Variants in PVT1 observed in about 807,000 individuals in gnomAD.
The protein encoded by PVT1 is Pvt1 oncogene, also known as CXCR4/PVT1 fusion.
At chr8:128,055,154 G>GAC (rs1363830163) in intron 4 of PVT1, among the ~76,000 whole-genome samples, 6 of 152,016 alleles carry the variant, frequency 3.9e-5, no homozygotes, top group Admixed American at 3.9e-4. Flanking sequence ...TGTCCCTACA[G>GAC]ACACACACAT....
In PVT1 at chr8:127,951,543, C is replaced by T. The variant is rs547126243; in HGVS notation, n.783-37619C>T. Among the ~76,000 whole-genome samples, 6 of 152,278 alleles carry T rather than the reference C, an allele frequency of 3.9e-5. No homozygotes were observed. In the East Asian group the frequency reaches 1.2e-3, roughly 29 times the overall value. ...TCTTGAGATTAGAGCTGAATGAATA[C>T]CCCTAGGAGAAACTAAAAGGCGTGT... On this transcript the variant is annotated intron_variant and non_coding_transcript_variant, in intron 3 of 10. Transcript: ENST00000651587.
chr8:127,906,332 G>T (rs914421628), intron 3 of PVT1, among the ~76,000 whole-genome samples: 2 of 152,136 alleles, frequency 1.3e-5, no homozygotes, highest in East Asian at 3.9e-4. Context: ...CATTCCTGGG[G>T]TTTCATTTGC....
chr8:128,070,176 C>T, exon 5 of PVT1: 1 of 152,238 alleles, frequency 6.6e-6, no homozygotes, highest in East Asian at 1.9e-4. Context: ...TCTTGGTGCT[C>T]TGTGTTCACC....
At chr8:127,829,756 G>GTTCA (rs1814829848) in intron 2 of PVT1, among the ~76,000 whole-genome samples, 1 of 152,198 alleles carries the variant, frequency 6.6e-6, no homozygotes, top group African/African-American at 2.4e-5. Flanking sequence ...AAGATGCTGT[G>GTTCA]TTCATTTCCT....
chr8:128,018,764 C>A (rs547656608), intron 4 of PVT1, among the ~76,000 whole-genome samples: 1 of 92,904 alleles, frequency 1.1e-5, no homozygotes, highest in Non-Finnish European at 2.2e-5. Context: ...GAAAATCTTG[C>A]GTCCTCAGGA....
At chr8:128,009,941 A>G (rs1256210558) in intron 4 of PVT1, among the ~76,000 whole-genome samples, 1 of 152,238 alleles carries the variant, frequency 6.6e-6, no homozygotes, top group South Asian at 2.1e-4. Context: ...GCATGATTTC[A>G]GGAAAGTCGA....
chr8:127,993,144 A>G (rs550736911), intron 4 of PVT1, among the ~76,000 whole-genome samples: 1 of 152,354 alleles, frequency 6.6e-6, no homozygotes, highest in African/African-American at 2.4e-5. Flanking sequence ...TTTAGTAATA[A>G]AGACAGAGTT....
chr8:128,047,613 A>G (rs1194979957), intron 4 of PVT1, among the ~76,000 whole-genome samples: 2 of 152,370 alleles, frequency 1.3e-5, no homozygotes, highest in East Asian at 3.8e-4. Flanking sequence ...AGAACTTTTC[A>G]TGCAGAAACA....
intron 2 of PVT1, among the ~76,000 whole-genome samples, chr8:127,813,214 T>TATATATATAATGTATACAA (rs1814620279): frequency 1.4e-5 from 2 of 139,954 alleles, no homozygotes; most frequent in East Asian, 4.0e-4. Flanking sequence ...TATACAAATA[T>TATATATATAATGTATACAA]ATATATATAA....
chr8:128,017,687 TCGGCCTCCCAAAGTG>T (rs2130047717), intron 4 of PVT1, among the ~76,000 whole-genome samples: 1 of 152,100 alleles, frequency 6.6e-6, no homozygotes, highest in Non-Finnish European at 1.5e-5. Flanking sequence ...TCCTCCTGCC[TCGGCCTCCCAAAGTG>T]CTGGAATTAT....
rs117029397 is a variant in PVT1, at chr8:128,073,420, C to T, written n.1114+3059C>T. Among the ~76,000 whole-genome samples, 574 of 152,290 alleles carry T rather than the reference C, an allele frequency of 3.8e-3. 8 individuals are homozygous for T. The highest frequency in any genetic ancestry group is 0.015 in the Admixed American group (236 of 15,302). On this transcript the variant is annotated intron_variant and non_coding_transcript_variant, in intron 5 of 10. Transcript: ENST00000651587. Reference sequence around the variant, plus strand: ...TGACACAGGTCACCCGATATAGAATCACACACCTGGGAGATGGCACCAGCC... The same window carrying T: ...TGACACAGGTCACCCGATATAGAATTACACACCTGGGAGATGGCACCAGCC...
chr8:127,884,108 TG>T (rs1469423233), intron 2 of PVT1, among the ~76,000 whole-genome samples: 1 of 152,246 alleles, frequency 6.6e-6, no homozygotes, highest in African/African-American at 2.4e-5. Context: ...AGCCAGCACC[TG>T]GATCAATAGA....
In PVT1 at chr8:127,963,363, C is replaced by T. The variant is rs542248728; in HGVS notation, n.783-25799C>T. ...CTGGTGCTTCTCTCAGTGTCTGACACCTGGTGAGATTTGCCACCTGTTTGG... is the reference window on the plus strand; with the variant it reads ...CTGGTGCTTCTCTCAGTGTCTGACATCTGGTGAGATTTGCCACCTGTTTGG... On this transcript the variant is annotated intron_variant and non_coding_transcript_variant, in intron 3 of 10. Transcript: ENST00000651587. 1.2e-4 allele frequency among the ~76,000 whole-genome samples: 19 copies of T among 152,228 alleles called. No homozygotes were observed. The South Asian group carries it at 3.9e-3, about 32-fold the overall frequency.
intron 4 of PVT1, among the ~76,000 whole-genome samples, chr8:127,990,743 G>A (rs1184606301): frequency 6.6e-6 from 1 of 152,244 alleles, no homozygotes; most frequent in Non-Finnish European, 1.5e-5. Context: ...AATCTGCTGT[G>A]ATAGTCAGCA....
chr8:127,987,597 A>G (rs1042246394), intron 3 of PVT1, among the ~76,000 whole-genome samples: 12 of 152,346 alleles, frequency 7.9e-5, no homozygotes, highest in Non-Finnish European at 1.5e-4. Flanking sequence ...CTCTGCAAAG[A>G]TTCTCACTTA....
At chr8:128,091,007 G>A (rs1379765260) in intron 5 of PVT1, among the ~76,000 whole-genome samples, 2 of 152,078 alleles carry the variant, frequency 1.3e-5, no homozygotes, top group Non-Finnish European at 2.9e-5. Flanking sequence ...CTGTAAAATG[G>A]GAATAATTTT....
At chr8:127,867,372 G>A (rs1270610571) in intron 2 of PVT1, among the ~76,000 whole-genome samples, 2 of 152,248 alleles carry the variant, frequency 1.3e-5, no homozygotes, top group South Asian at 2.1e-4. Flanking sequence ...CGCAGTTAGA[G>A]GGGTGGGAGG....
chr8:128,087,770 T>TTTTTTTTTTTG (rs370583568), intron 5 of PVT1, among the ~76,000 whole-genome samples: 2 of 115,592 alleles, frequency 1.7e-5, no homozygotes, highest in Non-Finnish European at 1.8e-5. Context: ...TTTTTTTTTT[T>TTTTTTTTTTTG]GAGATGGAGT....
At chr8:127,871,339 G>GT (rs1415310618) in intron 2 of PVT1, among the ~76,000 whole-genome samples, 1 of 152,206 alleles carries the variant, frequency 6.6e-6, no homozygotes, top group Non-Finnish European at 1.5e-5. Flanking sequence ...GAATAAATGT[G>GT]TTTTTTACTC....
Sources: gnomAD v4.1 joint callset for allele counts (sites outside exome capture counted in the v4.1 genomes callset) on GRCh38, gnomAD v4.1.1 for gene constraint, MANE v1.5 for transcripts, NCBI Gene and HGNC (gene_info 2026-07-23, HGNC 2026-07-21) for gene names.